The following RUNX1T1 variants were observed in gnomAD, a reference collection of about 807,000 sequenced individuals.
RUNX1T1 encodes the protein RUNX1 partner transcriptional co-repressor 1.
In RUNX1T1, 4 loss-of-function variants were observed where a neutral mutation model predicts 62.8. The ratio of observed to expected loss-of-function variants is 0.06; its 90% confidence interval spans 0.03 to 0.15. RUNX1T1 has a LOEUF of 0.15. Ranked by LOEUF, RUNX1T1 falls within the 10% of genes least tolerant of loss-of-function variation. The pLI, the probability that RUNX1T1 is intolerant of heterozygous loss-of-function variation, is 1.00. For synonymous variants in RUNX1T1, 291 were observed against 286.0 expected, an observed-to-expected ratio of 1.02 and a Z score of -0.18; for missense variants, 508 against 754.3, an observed-to-expected ratio of 0.67 and a Z score of 3.82.
intron 1 of RUNX1T1, among the ~76,000 whole-genome samples, chr8:92,098,026 T>C (rs935434501): frequency 3.0e-4 from 46 of 152,204 alleles, no homozygotes; most frequent in African/African-American, 1.1e-3. Context: ...CTTTTCTTAA[T>C]AATAGGTTAC....
intron 8 of RUNX1T1, among the ~76,000 whole-genome samples, chr8:91,984,862 C>A (rs939746411): frequency 6.6e-6 from 1 of 152,036 alleles, no homozygotes. Flanking sequence ...CTGACAAATA[C>A]AATTTTGTTT....
intron 1 of RUNX1T1, among the ~76,000 whole-genome samples, chr8:92,034,795 T>TATATACACATATATAC (rs1563810929): frequency 1.4e-5 from 1 of 73,450 alleles, no homozygotes; most frequent in Non-Finnish European, 3.0e-5. Flanking sequence ...TATATACATA[T>TATATACACATATATAC]ATACACACAC....
At chr8:92,027,311 A>C (rs185881335) in intron 1 of RUNX1T1, among the ~76,000 whole-genome samples, 14 of 152,198 alleles carry the variant, frequency 9.2e-5, no homozygotes, top group Admixed American at 3.9e-4. Context: ...TCAGTTATAA[A>C]ACACTTCTGT....
At chr8:91,995,559 G>A (rs1280790328) in intron 5 of RUNX1T1, among the ~76,000 whole-genome samples, 1 of 152,174 alleles carries the variant, frequency 6.6e-6, no homozygotes, top group African/African-American at 2.4e-5. Flanking sequence ...AGGCTCAGGA[G>A]GAAGGACTGT....
intron 4 of RUNX1T1, among the ~76,000 whole-genome samples, chr8:92,007,990 A>C (rs1821132129): frequency 6.6e-6 from 1 of 151,538 alleles, no homozygotes; most frequent in African/African-American, 2.4e-5. Context: ...AAAAAAAAGA[A>C]AGAAAGAAAA....
rs77214765 is a variant in RUNX1T1 at position 91,974,390 on chromosome 8, T to C, written c.1267+1515A>G. 6.5e-3 allele frequency among the ~76,000 whole-genome samples: 989 copies of C among 152,194 alleles called. 12 individuals carry two copies. The highest frequency in any genetic ancestry group is 0.048 in the East Asian group (248 of 5,176). ...TGAGCAGATAATAGCACAAAAAGAA[T>C]TCGGATTACACAAGACCTTACTGGT... On this transcript the variant is annotated intron_variant, in intron 9 of 10. Coordinates refer to ENST00000396218, the Ensembl canonical transcript of RUNX1T1.
At chr8:92,060,553 A>ATATATATATATATATATGTGTGTGTGTG in intron 1 of RUNX1T1, among the ~76,000 whole-genome samples, 53 of 63,864 alleles carry the variant, frequency 8.3e-4, no homozygotes, top group Non-Finnish European at 1.4e-3. Flanking sequence ...ATATATATAT[A>ATATATATATATATATATGTGTGTGTGTG]TGTGTGTGTG....
At chr8:92,088,314 G>C (rs1359234904) in intron 1 of RUNX1T1, among the ~76,000 whole-genome samples, 2 of 152,204 alleles carry the variant, frequency 1.3e-5, no homozygotes, top group Non-Finnish European at 2.9e-5. Flanking sequence ...CATAGACTCA[G>C]AAAATAAGCT....
rs185640098 is a variant in RUNX1T1 at position 91,968,249 on chromosome 8, C to T, written c.1458+2409G>A. On this transcript the variant is annotated intron_variant, in intron 10 of 10. Coordinates refer to ENST00000396218, the Ensembl canonical transcript of RUNX1T1. ...GCCTTTAAGAGGTGGGACCATTCAA[C>T]TTATCAATGAAGACAGGACACCTGA... is the stretch of plus-strand genomic sequence containing the variant. Among the ~76,000 whole-genome samples the T allele has an allele frequency of 1.6e-4, 24 of 152,194 alleles. 1 individual carries two copies. Among genetic ancestry groups the T allele is most frequent in the Admixed American group, 8.5e-4 (13 of 15,292 alleles).
At chr8:92,007,547 A>G (rs996113527) in intron 4 of RUNX1T1, among the ~76,000 whole-genome samples, 11 of 152,262 alleles carry the variant, frequency 7.2e-5, no homozygotes, top group African/African-American at 2.6e-4. Context: ...GCATTGTTAC[A>G]TGATTTCGTC....
chr8:92,012,792 G>T (rs1450052883), intron 3 of RUNX1T1, among the ~76,000 whole-genome samples: 1 of 151,472 alleles, frequency 6.6e-6, no homozygotes, highest in African/African-American at 2.4e-5. Flanking sequence ...GTAGTCCTGA[G>T]AATTATGTAA....
intron 4 of RUNX1T1, among the ~76,000 whole-genome samples, chr8:92,007,837 C>T (rs2131054527): frequency 6.6e-6 from 1 of 151,974 alleles, no homozygotes; most frequent in Admixed American, 6.6e-5. Flanking sequence ...GATGCAGTGG[C>T]CCATGCCTAT....
chr8:92,060,553 A>ATATATATATATATATATATGTGTGTG, intron 1 of RUNX1T1, among the ~76,000 whole-genome samples: 8 of 63,938 alleles, frequency 1.3e-4, no homozygotes, highest in African/African-American at 3.5e-4. Context: ...ATATATATAT[A>ATATATATATATATATATATGTGTGTG]TGTGTGTGTG....
chr8:92,034,123 C>T (rs534800181), intron 1 of RUNX1T1, among the ~76,000 whole-genome samples: 3 of 152,118 alleles, frequency 2.0e-5, no homozygotes, highest in Middle Eastern at 3.4e-3. Flanking sequence ...CAAGAAAGCC[C>T]GTGAACACAC....
chr8:92,095,088 A>G, intron 1 of RUNX1T1: 1 of 1,535,618 alleles, frequency 6.5e-7, no homozygotes, highest in Non-Finnish European at 8.7e-7. Flanking sequence ...CCAGGGGTAG[A>G]TGCCTCCTCC....
chr8:92,032,706 G>A (rs75957557), intron 1 of RUNX1T1, among the ~76,000 whole-genome samples: 1,606 of 152,248 alleles, frequency 0.011, 20 homozygotes, highest in African/African-American at 0.036. Flanking sequence ...TTGGGCCCAG[G>A]AGTTCAAGGC....
intron 1 of RUNX1T1, among the ~76,000 whole-genome samples, chr8:92,025,583 A>T (rs532776000): frequency 2.0e-5 from 3 of 152,152 alleles, no homozygotes; most frequent in Non-Finnish European, 4.4e-5. Flanking sequence ...TTCTATCCCC[A>T]GCTGGCCGGG....
intron 5 of RUNX1T1, among the ~76,000 whole-genome samples, chr8:91,992,177 C>T (rs1198033406): frequency 3.3e-5 from 5 of 152,156 alleles, no homozygotes; most frequent in East Asian, 1.9e-4. Context: ...AAACTCAAGA[C>T]TCCTGTAGAT....
chr8:92,095,497 G>A, intron 1 of RUNX1T1: 2 of 1,520,892 alleles, frequency 1.3e-6, no homozygotes, highest in South Asian at 1.2e-5. Context: ...GAGCGCAGGA[G>A]GGAGAGGAGA....
Sources: allele counts gnomAD v4.1 joint callset (sites outside exome capture counted in the v4.1 genomes callset), GRCh38; gene constraint gnomAD v4.1.1; transcripts MANE v1.5; gene names NCBI Gene and HGNC (gene_info 2026-07-23, HGNC 2026-07-21).